DTNA: variants seen among roughly 807,000 people sequenced by gnomAD.
The protein encoded by DTNA is dystrophin-related protein 3.
Under a neutral mutation model 100.7 loss-of-function variants are expected in DTNA, and 43 were observed. The ratio of observed to expected loss-of-function variants is 0.43; its 90% CI spans 0.33 to 0.55. The LOEUF (loss-of-function observed/expected upper bound fraction) is 0.55, where lower values mean the gene tolerates loss of function less well. Ranked by LOEUF, DTNA falls within the 20% of genes least tolerant of loss-of-function variation. The pLI is 0.04. For synonymous variants in DTNA, 349 were observed against 347.9 expected, an observed-to-expected ratio of 1.00 and a Z score of -0.04; for missense variants, 798 against 953.9, an observed-to-expected ratio of 0.84 and a Z score of 2.15.
chr18:34,598,186 G>A lies in DTNA; in HGVS notation c.-2+104672G>A, dbSNP rs541156353. ...TTTATTTGGCTGTTGTCACTGTCTT[G>A]GGGAAAGGGAATTCTCTATTTTCTT... On this transcript the variant is annotated intron_variant, in intron 1 of 19. Transcript: ENST00000283365. Among the ~76,000 whole-genome samples, 32 of 151,134 alleles carry A rather than the reference G, an allele frequency of 2.1e-4. No homozygotes were observed. The East Asian group carries it at 3.7e-3, about 17-fold the overall frequency.
intron 4 of DTNA, among the ~76,000 whole-genome samples, chr18:34,805,625 A>G (rs2095341605): frequency 6.6e-6 from 1 of 152,142 alleles, no homozygotes; most frequent in African/African-American, 2.4e-5. Context: ...GTGCTCGGCC[A>G]GAGCTTTTAC....
At chr18:34,773,388 G>T (rs962604714) in intron 3 of DTNA, among the ~76,000 whole-genome samples, 3 of 152,146 alleles carry the variant, frequency 2.0e-5, no homozygotes, top group Non-Finnish European at 2.9e-5. Flanking sequence ...ACAGGCAAGA[G>T]AAATCGAACC....
At chr18:34,692,188 G>C (rs928574547) in intron 1 of DTNA, among the ~76,000 whole-genome samples, 1 of 152,096 alleles carries the variant, frequency 6.6e-6, no homozygotes, top group Non-Finnish European at 1.5e-5. Context: ...AGATAAATTT[G>C]AGTTCCTTCA....
intron 3 of DTNA, among the ~76,000 whole-genome samples, chr18:34,786,369 A>G (rs897934767): frequency 1.3e-5 from 2 of 152,208 alleles, no homozygotes; most frequent in African/African-American, 4.8e-5. Context: ...TTGTACTCTG[A>G]AGAGTGTAAT....
chr18:34,725,705 C>A (rs2086505293), intron 1 of DTNA, among the ~76,000 whole-genome samples: 1 of 152,180 alleles, frequency 6.6e-6, no homozygotes, highest in Non-Finnish European at 1.5e-5. Context: ...CCTCAAGGAT[C>A]TAGAACTGGA....
intron 1 of DTNA, among the ~76,000 whole-genome samples, chr18:34,506,502 G>A (rs1453736933): frequency 6.6e-6 from 1 of 152,186 alleles, no homozygotes; most frequent in Non-Finnish European, 1.5e-5. Context: ...GCTTGTGTTG[G>A]CATAGGTGTG....
intron 13 of DTNA, among the ~76,000 whole-genome samples, chr18:34,845,657 G>C (rs2096363882): frequency 6.6e-6 from 1 of 152,096 alleles, no homozygotes; most frequent in Non-Finnish European, 1.5e-5. Flanking sequence ...TCTCTTTGTG[G>C]GGTAGTTTGA....
intron 1 of DTNA, among the ~76,000 whole-genome samples, chr18:34,704,597 C>T (rs1423343978): frequency 6.6e-6 from 1 of 152,160 alleles, no homozygotes; most frequent in African/African-American, 2.4e-5. Flanking sequence ...GTTATAGCTA[C>T]AGTTAGTATT....
intron 11 of DTNA, among the ~76,000 whole-genome samples, chr18:34,836,425 G>A (rs1472933851): frequency 1.3e-5 from 2 of 152,102 alleles, no homozygotes; most frequent in Non-Finnish European, 2.9e-5. Flanking sequence ...GGCCGAGGGG[G>A]GCAGATCACT....
At chr18:34,523,845 TCTTG>T (rs1052367983) in intron 1 of DTNA, among the ~76,000 whole-genome samples, 2 of 152,322 alleles carry the variant, frequency 1.3e-5, no homozygotes, top group Admixed American at 6.5e-5. Context: ...TCTTTTACAA[TCTTG>T]CTTTCTATTT....
In DTNA at chr18:34,667,164, T is replaced by C. The variant is rs368672448; in HGVS notation, c.-1-88812T>C. On this transcript the variant is annotated intron_variant, in intron 1 of 19. Coordinates refer to the DTNA transcript ENST00000283365. ...ATCCCTTGTAAGATGGATTCCTAGG[T>C]ATTTTATTCTCTTTGAAGCAATTGT... 4.6e-5 allele frequency among the ~76,000 whole-genome samples: 7 copies of C among 152,308 alleles called. No individual in the cohort carries two copies. The East Asian group carries it at 1.4e-3, about 29-fold the overall frequency.
At chr18:34,543,405 G>A (rs1160975107) in intron 1 of DTNA, among the ~76,000 whole-genome samples, 6 of 152,042 alleles carry the variant, frequency 3.9e-5, no homozygotes. Flanking sequence ...ATAGCATGAA[G>A]TTCTAAACAC....
At chr18:34,527,459 C>G (rs770269856) in intron 1 of DTNA, among the ~76,000 whole-genome samples, 1 of 152,014 alleles carries the variant, frequency 6.6e-6, no homozygotes, top group Non-Finnish European at 1.5e-5. Flanking sequence ...ACAGAAACTT[C>G]AGCAAAATGA....
chr18:34,820,890 A>G lies in DTNA; in HGVS notation c.976A>G (p.Lys326Glu), dbSNP rs1360951128. The G allele has an allele frequency of 1.2e-6, 2 of 1,614,140 alleles. No homozygotes were observed. Among genetic ancestry groups the G allele is most frequent in the Admixed American group, 3.3e-5 (2 of 60,014 alleles). ...CCCCATGTTCCCAGATCAGCCTGAG[A>G]AGCCACTCAACTTGGCTCACATCGT... ...LHPMFPDQPEKPLNLAHIVPP... is the reference protein window; with the variant it reads ...LHPMFPDQPEEPLNLAHIVPP... The change falls in exon 9 of 23, where the codon AAG (lysine) becomes GAG (glutamate). Residue 326 changes from lysine to glutamate, a missense_variant. Around this residue, in one of 6 missense-constraint regions of DTNA, gnomAD observed 93 missense variants for 90.5 expected, o/e 1.03. Transcript: ENST00000444659.
At chr18:34,877,331 T>A (rs940558027) in intron 18 of DTNA, among the ~76,000 whole-genome samples, 1 of 152,200 alleles carries the variant, frequency 6.6e-6, no homozygotes, top group African/African-American at 2.4e-5. Context: ...GCAGCTCTCC[T>A]GGAAAACCTG....
At chr18:34,813,461 TA>T (rs2095527462) in intron 6 of DTNA, among the ~76,000 whole-genome samples, 1 of 136,216 alleles carries the variant, frequency 7.3e-6, no homozygotes, top group African/African-American at 2.8e-5. Flanking sequence ...AAAAAAAAGG[TA>T]TATCCCTGCC....
In DTNA at chr18:34,802,673, C is replaced by T. The variant is rs534456232; in HGVS notation, c.363-3546C>T. Among the ~76,000 whole-genome samples the T allele has an allele frequency of 5.9e-4, 90 of 152,150 alleles. 1 individual carries two copies. The highest frequency in any genetic ancestry group is 1.3e-4 in the Admixed American group (2 of 15,274). On this transcript the variant is annotated intron_variant, in intron 4 of 22. Transcript: ENST00000444659. ...GGTTGGCTAACTAGCCAACAGAAGACGCTTTTCACTTTGGGTTTCATAAAA... is the reference window on the plus strand; with the variant it reads ...GGTTGGCTAACTAGCCAACAGAAGATGCTTTTCACTTTGGGTTTCATAAAA...
intron 3 of DTNA, among the ~76,000 whole-genome samples, chr18:34,785,134 C>G (rs969880057): frequency 6.6e-6 from 1 of 151,952 alleles, no homozygotes; most frequent in Non-Finnish European, 1.5e-5. Flanking sequence ...AGGATGGTCT[C>G]AATCTCCTGA....
At chr18:34,755,856 A>G (rs1441178433) in intron 1 of DTNA, 120 bp from the exon 2 acceptor site, 2 of 835,364 alleles carry the variant, frequency 2.4e-6, no homozygotes, top group Admixed American at 4.2e-5. Context: ...TAAAACAAAC[A>G]GTTTTAAATA....
Sources: gnomAD v4.1 joint callset for allele counts (sites outside exome capture counted in the v4.1 genomes callset) on GRCh38, gnomAD v4.1.1 for gene constraint, gnomAD v4.1.1 regional missense constraint, MANE v1.5 for transcripts, NCBI Gene and HGNC (gene_info 2026-07-23, HGNC 2026-07-21) for gene names.